The following CNTN5 variants were observed in gnomAD, a reference collection of about 807,000 sequenced individuals.
CNTN5 encodes the protein contactin 5, also known as contactin-5.
CNTN5 carries 77 observed loss-of-function variants against 129.1 expected under a neutral mutation model. The observed-to-expected ratio is 0.60, with a 90% CI of 0.50 to 0.72. The LOEUF (loss-of-function observed/expected upper bound fraction) is 0.72, where lower values mean the gene tolerates loss of function less well. Ranked by LOEUF, CNTN5 falls within the 30% of genes least tolerant of loss-of-function variation. CNTN5 has a pLI of 0.00. For missense variants in CNTN5, 1,478 were observed against 1,328.8 expected, an observed-to-expected ratio of 1.11 and a Z score of -1.75; for synonymous variants, 509 against 465.6, an observed-to-expected ratio of 1.09 and a Z score of -1.20.
At chr11:99,115,126 G>C (rs748917082) in intron 1 of CNTN5, among the ~76,000 whole-genome samples, 4 of 152,102 alleles carry the variant, frequency 2.6e-5, no homozygotes. Flanking sequence ...CCCAAACTGT[G>C]AGAAATAAAT....
At chr11:99,975,038 T>C (rs993744031) in intron 8 of CNTN5, among the ~76,000 whole-genome samples, 3 of 152,258 alleles carry the variant, frequency 2.0e-5, no homozygotes, top group African/African-American at 7.2e-5. Context: ...ATGATTCATA[T>C]GTATAAATAG....
At chr11:99,256,969 G>C (rs1415740411) in intron 1 of CNTN5, among the ~76,000 whole-genome samples, 1 of 152,004 alleles carries the variant, frequency 6.6e-6, no homozygotes, top group East Asian at 1.9e-4. Context: ...ACATTATGAT[G>C]GTGCTAAGGA....
intron 18 of CNTN5, among the ~76,000 whole-genome samples, chr11:100,282,926 G>A (rs545305099): frequency 9.9e-5 from 15 of 152,238 alleles, no homozygotes; most frequent in African/African-American, 3.4e-4. Flanking sequence ...AAGGCCCAAG[G>A]TCTCTTAAGT....
At chr11:100,063,706 T>TAAAAAAAAAAAAAAAAAAAAA (rs35896237) in intron 10 of CNTN5, among the ~76,000 whole-genome samples, 3 of 115,260 alleles carry the variant, frequency 2.6e-5, no homozygotes, top group Non-Finnish European at 3.5e-5. Flanking sequence ...AACCTGTCTC[T>TAAAAAAAAAAAAAAAAAAAAA]AAAAAAAAAA....
At chr11:100,313,038 A>C (rs545702891) in intron 21 of CNTN5, among the ~76,000 whole-genome samples, 2 of 152,228 alleles carry the variant, frequency 1.3e-5, no homozygotes, top group South Asian at 4.1e-4. Flanking sequence ...CTGGGAAATT[A>C]AAATAGTTTG....
chr11:99,592,967 G>A (rs991082812), intron 3 of CNTN5, among the ~76,000 whole-genome samples: 1 of 152,120 alleles, frequency 6.6e-6, no homozygotes, highest in East Asian at 1.9e-4. Flanking sequence ...CAAACGAAAT[G>A]TGAGAGAAAA....
rs193158835 is a variant in CNTN5 at position 100,325,002 on chromosome 11, T to C, written c.2731-15461T>C. 3.5e-4 allele frequency among the ~76,000 whole-genome samples: 54 copies of C among 152,272 alleles called. 1 individual carries two copies. In the East Asian group the frequency reaches 0.01, roughly 28 times the overall value. ...CATATCTCAAAGTATTGATTGTGAA[T>C]AGCCAATTTAATAACTATATCTAGT... On this transcript the variant is annotated intron_variant, in intron 21 of 24. Coordinates refer to ENST00000524871, the MANE Select transcript of CNTN5 (RefSeq NM_014361.4).
intron 13 of CNTN5, among the ~76,000 whole-genome samples, chr11:100,115,627 C>T (rs1174602832): frequency 6.6e-6 from 1 of 151,890 alleles, no homozygotes; most frequent in Non-Finnish European, 1.5e-5. Context: ...AGAAGTGCCC[C>T]AAACCTGTAA....
At chr11:99,649,843 A>G (rs1277518515) in intron 3 of CNTN5, among the ~76,000 whole-genome samples, 1 of 151,700 alleles carries the variant, frequency 6.6e-6, no homozygotes, top group East Asian at 1.9e-4. Context: ...TATTGCCAAT[A>G]CTTTATGTTG....
At chr11:99,033,753 C>A (rs1206251436) in intron 1 of CNTN5, among the ~76,000 whole-genome samples, 7 of 152,038 alleles carry the variant, frequency 4.6e-5, no homozygotes, top group Middle Eastern at 3.4e-3. Flanking sequence ...AATTGAATAC[C>A]CTTTATTTCC....
chr11:99,789,173 A>C (rs1195914813), intron 3 of CNTN5, among the ~76,000 whole-genome samples: 2 of 151,962 alleles, frequency 1.3e-5, no homozygotes, highest in East Asian at 1.9e-4. Context: ...TAGCAATATT[A>C]GATATAAAAA....
At chr11:99,495,610 G>A (rs1946196096) in intron 2 of CNTN5, among the ~76,000 whole-genome samples, 1 of 152,098 alleles carries the variant, frequency 6.6e-6, no homozygotes, top group African/African-American at 2.4e-5. Flanking sequence ...CATGCATAAA[G>A]GCCATGGTGT....
At chr11:99,580,847 T>C (rs1204662870) in intron 3 of CNTN5, among the ~76,000 whole-genome samples, 16 of 127,902 alleles carry the variant, frequency 1.3e-4, no homozygotes, top group Admixed American at 2.4e-4. Context: ...TCTGCTCTGA[T>C]CTTAGTTATT....
chr11:99,053,066 G>T (rs1565278921), intron 1 of CNTN5, among the ~76,000 whole-genome samples: 1 of 151,696 alleles, frequency 6.6e-6, no homozygotes, highest in Non-Finnish European at 1.5e-5. Context: ...TCCCTCTTAT[G>T]TGCCAATACA....
At chr11:99,190,656 A>C (rs1284103684) in intron 1 of CNTN5, among the ~76,000 whole-genome samples, 1 of 151,502 alleles carries the variant, frequency 6.6e-6, no homozygotes, top group Non-Finnish European at 1.5e-5. Context: ...AGTATTGTAA[A>C]TGGGATTGTT....
chr11:100,232,430 G>A lies in CNTN5; in HGVS notation c.2005+7618G>A, dbSNP rs1255220794. On this transcript the variant is annotated intron_variant, in intron 16 of 24. Coordinates refer to ENST00000524871, the MANE Select transcript of CNTN5 (RefSeq NM_014361.4). ...ACATATCAGTGAATTAAGAAACTTG[G>A]AAGTAAATGATGGCCTTGGCAAGGG... is the stretch of plus-strand genomic sequence containing the variant. Among the ~76,000 whole-genome samples the A allele has an allele frequency of 3.9e-5, 6 of 152,182 alleles. 1 individual carries two copies. Among genetic ancestry groups the A allele is most frequent in the Admixed American group, 3.9e-4 (6 of 15,280 alleles).
chr11:99,804,436 T>A (rs1292635718), intron 3 of CNTN5, among the ~76,000 whole-genome samples: 1 of 151,958 alleles, frequency 6.6e-6, no homozygotes, highest in Non-Finnish European at 1.5e-5. Context: ...CAAAATTACT[T>A]TCTGAACTCT....
chr11:100,137,816 TGTG>T (rs1227457218), intron 13 of CNTN5, among the ~76,000 whole-genome samples: 1 of 152,112 alleles, frequency 6.6e-6, no homozygotes, highest in African/African-American at 2.4e-5. Flanking sequence ...CAAAAGATGA[TGTG>T]GGAGCAAAGA....
At chr11:99,226,001 C>T (rs574815457) in intron 1 of CNTN5, among the ~76,000 whole-genome samples, 1 of 152,162 alleles carries the variant, frequency 6.6e-6, no homozygotes, top group African/African-American at 2.4e-5. Flanking sequence ...AATCATTTTA[C>T]TAAGGTACAT....
Sources: allele counts gnomAD v4.1 joint callset (sites outside exome capture counted in the v4.1 genomes callset), GRCh38; gene constraint gnomAD v4.1.1; transcripts MANE v1.5; gene names NCBI Gene and HGNC (gene_info 2026-07-23, HGNC 2026-07-21).